CA5A: variants seen among roughly 807,000 people sequenced by gnomAD.
CA5A encodes the protein carbonic anhydrase 5A, also known as carbonic anhydrase 5A, mitochondrial.
CA5A carries 28 observed loss-of-function variants against 37.1 expected under a neutral mutation model. The observed-to-expected ratio is 0.75, with a 90% CI of 0.56 to 1.03. The LOEUF (loss-of-function observed/expected upper bound fraction) is 1.03. Ranked by LOEUF, CA5A falls within the 50% of genes least tolerant of loss-of-function variation. The pLI is 0.00. For missense variants in CA5A, 444 were observed against 399.9 expected, an observed-to-expected ratio of 1.11 and a Z score of -0.94; for synonymous variants, 171 against 158.4, an observed-to-expected ratio of 1.08 and a Z score of -0.60.
intron 2 of CA5A, among the ~76,000 whole-genome samples, chr16:87,908,818 G>T (rs8048719): frequency 0.33 from 50,487 of 151,596 alleles, 9,291 homozygotes; most frequent in African/African-American, 0.51. Flanking sequence ...TTCTTCTTCT[G>T]CTTTTTCTTC....
chr16:87,929,895 A>AAAC (rs1258622359), intron 1 of CA5A, among the ~76,000 whole-genome samples: 2 of 151,126 alleles, frequency 1.3e-5, no homozygotes. Flanking sequence ...AAAAAAAAAA[A>AAAC]ATAAGTAAAC....
chr16:87,902,648 T>C (rs1567520702), intron 3 of CA5A, 128 bp from the exon 4 acceptor site: 4 of 633,892 alleles, frequency 6.3e-6, no homozygotes, highest in Non-Finnish European at 1.2e-5. Context: ...GGCTCACACC[T>C]GTAATCCCAG....
downstream of CA5A, chr16:87,887,838 AT>A: frequency 3.4e-6 from 1 of 295,408 alleles, no homozygotes; most frequent in Non-Finnish European, 6.3e-6. Flanking sequence ...CCGTAAGAGA[AT>A]CAATCTCCAT....
intron 2 of CA5A, among the ~76,000 whole-genome samples, chr16:87,921,958 C>G (rs2144046393): frequency 6.6e-6 from 1 of 152,214 alleles, no homozygotes; most frequent in South Asian, 2.1e-4. Context: ...GCCTCAATCT[C>G]TTGGGCTTAA....
At chr16:87,896,180 C>A (rs2055799529) in intron 5 of CA5A, among the ~76,000 whole-genome samples, 1 of 152,242 alleles carries the variant, frequency 6.6e-6, no homozygotes, top group Non-Finnish European at 1.5e-5. Flanking sequence ...AGCCACGTTG[C>A]CAGTCAGGGC....
chr16:87,932,786 G>C (rs1306707558), intron 1 of CA5A, among the ~76,000 whole-genome samples: 3 of 152,154 alleles, frequency 2.0e-5, no homozygotes, highest in Admixed American at 6.5e-5. Flanking sequence ...TGCATTCTCA[G>C]TCTCCAGGTT....
intron 2 of CA5A, among the ~76,000 whole-genome samples, chr16:87,905,665 G>C (rs1211729799): frequency 2.0e-5 from 3 of 152,188 alleles, no homozygotes; most frequent in Non-Finnish European, 4.4e-5. Flanking sequence ...GGGTGAGCAA[G>C]GTCTTTAAAT....
chr16:87,909,696 T>C (rs2056022843), intron 2 of CA5A, among the ~76,000 whole-genome samples: 1 of 152,246 alleles, frequency 6.6e-6, no homozygotes, highest in Non-Finnish European at 1.5e-5. Flanking sequence ...CTTGAGCCTC[T>C]TTCAAGGTGA....
Position 87,921,670 on chromosome 16 carries a change from G to C in CA5A, c.340+5078C>G, listed in dbSNP as rs143315976. On this transcript the variant is annotated intron_variant, in intron 2 of 6. Coordinates refer to ENST00000649794, the MANE Select transcript of CA5A (RefSeq NM_001739.2). ...ATGGGCTCGCTCCCAAGGAAAACAG[G>C]AATGTTGGACCCAGGAGGCAGGAGG... 9.9e-4 allele frequency among the ~76,000 whole-genome samples: 150 copies of C among 152,254 alleles called. 1 individual carries two copies. The highest frequency in any genetic ancestry group is 3.5e-3 in the African/African-American group (144 of 41,550).
intron 2 of CA5A, among the ~76,000 whole-genome samples, chr16:87,912,965 C>T (rs577866717): frequency 4.0e-5 from 6 of 151,790 alleles, no homozygotes; most frequent in African/African-American, 1.5e-4. Flanking sequence ...GGAAGTGGGG[C>T]CTTCGCCAAC....
chr16:87,919,871 A>G (rs546969999), intron 2 of CA5A, among the ~76,000 whole-genome samples: 42 of 152,176 alleles, frequency 2.8e-4, no homozygotes, highest in African/African-American at 8.9e-4. Context: ...CAACTCCACT[A>G]TCGGTGACTG....
At chr16:87,918,208 G>C (rs1438688930) in intron 2 of CA5A, among the ~76,000 whole-genome samples, 2 of 152,220 alleles carry the variant, frequency 1.3e-5, no homozygotes, top group Non-Finnish European at 2.9e-5. Context: ...AATTCTCCCA[G>C]AATGGTGCCA....
At chr16:87,918,924 G>A (rs1408133045) in intron 2 of CA5A, among the ~76,000 whole-genome samples, 1 of 152,172 alleles carries the variant, frequency 6.6e-6, no homozygotes. Context: ...GGGAGCACGT[G>A]AAGCTGAGTG....
intron 2 of CA5A, among the ~76,000 whole-genome samples, chr16:87,914,973 C>G (rs1371207858): frequency 6.6e-6 from 1 of 152,230 alleles, no homozygotes; most frequent in Admixed American, 6.5e-5. Context: ...ACGCCGGGCA[C>G]CGAGTTGACG....
chr16:87,890,678 C>T (rs1411440005), intron 6 of CA5A, among the ~76,000 whole-genome samples: 3 of 152,064 alleles, frequency 2.0e-5, no homozygotes, highest in African/African-American at 7.2e-5. Context: ...TGCAGTGGTG[C>T]CATCTCAGCT....
Position 87,888,167 on chromosome 16 carries a change from C to T in CA5A, c.880G>A (p.Ala294Thr), listed in dbSNP as rs1382046896. 4 of 1,613,762 alleles carry T rather than the reference C, an allele frequency of 2.5e-6. No homozygotes were observed. The highest frequency in any genetic ancestry group is 1.7e-5 in the Admixed American group (1 of 59,984). The stretch of plus-strand genomic sequence containing the variant: ...CCCTCATTAGTGGCCTGGAAGGACG[C>T]CCAGACCTTCCGGTTCATCAAGGGT... ...LQPLMNRKVW[A>T]SFQATNEGTR... The change falls in exon 7 of 7, where the codon GCG becomes ACG. Residue 294 changes from alanine (A) to threonine (T), a missense_variant. Physicochemically the swap from Ala to Thr is moderately conservative, Grantham distance 58 (BLOSUM62 0). Coordinates refer to ENST00000649794, the MANE Select transcript of CA5A (RefSeq NM_001739.2).
intron 4 of CA5A, chr16:87,882,627 G>C (rs894174007): frequency 1.6e-4 from 24 of 152,216 alleles, no homozygotes; most frequent in African/African-American, 5.8e-4. Context: ...CAACATGTCA[G>C]TGCGACCCAC....
At chr16:87,921,001 C>G (rs2056222664) in intron 2 of CA5A, among the ~76,000 whole-genome samples, 1 of 152,144 alleles carries the variant, frequency 6.6e-6, no homozygotes, top group South Asian at 2.1e-4. Flanking sequence ...CCATGTTGGT[C>G]AGGCTGGTCT....
At chr16:87,917,790 AT>A (rs1690355557) in intron 2 of CA5A, among the ~76,000 whole-genome samples, 1 of 144,686 alleles carries the variant, frequency 6.9e-6, no homozygotes, top group Non-Finnish European at 1.5e-5. Flanking sequence ...GCACACATGT[AT>A]ACACAGTGCA....
Sources: gnomAD v4.1 joint callset for allele counts (sites outside exome capture counted in the v4.1 genomes callset) on GRCh38, gnomAD v4.1.1 for gene constraint, MANE v1.5 for transcripts, NCBI Gene and HGNC (gene_info 2026-07-23, HGNC 2026-07-21) for gene names.